Variants in DAB1 observed in about 807,000 individuals in gnomAD.
DAB1 encodes the protein DAB adaptor protein 1.
DAB1 carries 15 observed loss-of-function variants against 64.6 expected under a neutral mutation model. That is an observed-to-expected ratio of 0.23 (90% CI 0.16 to 0.36). DAB1 has a LOEUF of 0.36. Among genes scored for constraint, DAB1 ranks in the 10% least tolerant of loss-of-function variants. DAB1 has a pLI of 1.00. For missense variants in DAB1, 596 were observed against 706.7 expected, an observed-to-expected ratio of 0.84 and a Z score of 1.78; for synonymous variants, 235 against 251.9, an observed-to-expected ratio of 0.93 and a Z score of 0.64.
At chr1:57,480,165 A>G (rs897770531) in intron 7 of DAB1, among the ~76,000 whole-genome samples, 1 of 151,714 alleles carries the variant, frequency 6.6e-6, no homozygotes, top group Non-Finnish European at 1.5e-5. Flanking sequence ...AAAAAAAAAA[A>G]AAGACAAAGC....
intron 1 of DAB1, among the ~76,000 whole-genome samples, chr1:57,339,878 A>C (rs10159302): frequency 0.11 from 17,129 of 152,226 alleles, 1,178 homozygotes; most frequent in African/African-American, 0.18. Context: ...TCAGCAATAG[A>C]TATGTTACTC....
At chr1:57,123,996 A>G (rs1656902861) in intron 4 of DAB1, among the ~76,000 whole-genome samples, 2 of 152,152 alleles carry the variant, frequency 1.3e-5, no homozygotes, top group Non-Finnish European at 2.9e-5. Context: ...ATAAACTGAA[A>G]AAAGCATAAG....
chr1:57,977,140 AT>A (rs1423317392), intron 5 of DAB1, among the ~76,000 whole-genome samples: 1 of 151,978 alleles, frequency 6.6e-6, no homozygotes, highest in Non-Finnish European at 1.5e-5. Context: ...TTCTCCTTCC[AT>A]TTCCACTCTA....
rs1317082305 is a variant in DAB1 at position 57,949,546 on chromosome 1, AT to A, written n.388-65385del. On this transcript the variant is annotated intron_variant and non_coding_transcript_variant, in intron 5 of 20. Coordinates refer to the DAB1 transcript ENST00000485760. ...CTGTCTGTCTGTCTATCTATCATCTATCTACACACACACACACACAATATAT... is the reference window on the plus strand; with the variant it reads ...CTGTCTGTCTGTCTATCTATCATCTACTACACACACACACACACAATATAT... 4.5e-4 allele frequency among the ~76,000 whole-genome samples: 50 copies of A among 112,260 alleles called. 1 individual carries two copies. The highest frequency in any genetic ancestry group is 3.3e-3 in the Admixed American group (44 of 13,194). 73.6% of individuals were successfully genotyped at this position (112,260 alleles called of 152,430 possible).
intron 4 of DAB1, among the ~76,000 whole-genome samples, chr1:58,342,938 A>G (rs1643956267): frequency 6.6e-6 from 1 of 152,096 alleles, no homozygotes; most frequent in Admixed American, 6.6e-5. Context: ...TCCCTCTAAG[A>G]TTAAAATCTG....
At chr1:57,105,794 C>T (rs1161500871) in intron 4 of DAB1, among the ~76,000 whole-genome samples, 2 of 152,144 alleles carry the variant, frequency 1.3e-5, no homozygotes, top group African/African-American at 4.8e-5. Context: ...ATTTCCTTTT[C>T]CTTTTTTATT....
At chr1:57,100,346 G>A (rs1018640846) in intron 4 of DAB1, among the ~76,000 whole-genome samples, 10 of 150,044 alleles carry the variant, frequency 6.7e-5, no homozygotes, top group African/African-American at 2.5e-4. Context: ...AGATTAGACT[G>A]TACTACCTAA....
intron 2 of DAB1, among the ~76,000 whole-genome samples, chr1:57,268,140 A>G (rs1168767740): frequency 6.6e-6 from 1 of 152,204 alleles, no homozygotes; most frequent in Non-Finnish European, 1.5e-5. Context: ...CAAAGCAAGG[A>G]GCATCTGGCC....
intron 4 of DAB1, among the ~76,000 whole-genome samples, chr1:58,284,801 C>T (rs1442798333): frequency 6.6e-6 from 1 of 152,146 alleles, no homozygotes; most frequent in Admixed American, 6.5e-5. Context: ...AGGAAACAGC[C>T]CTCCAGTTGA....
chr1:57,918,823 CA>C (rs913931983), intron 5 of DAB1, among the ~76,000 whole-genome samples: 42 of 142,046 alleles, frequency 3.0e-4, no homozygotes, highest in Admixed American at 4.9e-4. Flanking sequence ...GACTCCGTCT[CA>C]AAAAAAAAAA....
At chr1:57,999,230 A>C (rs960213867) in intron 5 of DAB1, among the ~76,000 whole-genome samples, 8 of 152,162 alleles carry the variant, frequency 5.3e-5, no homozygotes, top group African/African-American at 1.9e-4. Context: ...AACAAGCCAG[A>C]GAAGGGAGTC....
At chr1:57,479,727 T>C (rs1196290494) in intron 7 of DAB1, among the ~76,000 whole-genome samples, 1 of 152,112 alleles carries the variant, frequency 6.6e-6, no homozygotes, top group Middle Eastern at 3.2e-3. Flanking sequence ...GCTGGCACAA[T>C]GGAAGCTCCT....
At chr1:57,836,877 G>A (rs1022626308) in intron 1 of DAB1, among the ~76,000 whole-genome samples, 8 of 152,050 alleles carry the variant, frequency 5.3e-5, no homozygotes, top group Admixed American at 2.0e-4. Context: ...TCAACAAACC[G>A]AGCACTTCAT....
chr1:57,682,477 C>T (rs1646647168), intron 6 of DAB1, among the ~76,000 whole-genome samples: 1 of 150,856 alleles, frequency 6.6e-6, no homozygotes, highest in African/African-American at 2.4e-5. Context: ...GGAGACAAAA[C>T]ATGGAGAGTG....
chr1:57,245,871 A>G (rs189713333), intron 2 of DAB1, among the ~76,000 whole-genome samples: 3 of 152,344 alleles, frequency 2.0e-5, no homozygotes, highest in Admixed American at 1.3e-4. Context: ...GTCTTCCACA[A>G]TGGTTGAACT....
chr1:57,801,731 C>T (rs1421486387), intron 6 of DAB1, among the ~76,000 whole-genome samples: 1 of 151,974 alleles, frequency 6.6e-6, no homozygotes, highest in Non-Finnish European at 1.5e-5. Flanking sequence ...AATCACAGCT[C>T]ACTGCAGCCT....
chr1:57,193,381 G>GTTTGTTTTTT (rs1225499824), intron 2 of DAB1, among the ~76,000 whole-genome samples: 1 of 83,060 alleles, frequency 1.2e-5, no homozygotes, highest in African/African-American at 5.0e-5. Flanking sequence ...CGTAGCATAT[G>GTTTGTTTTTT]TTTTTTTTTT....
chr1:57,240,742 A>G (rs1436129637), intron 2 of DAB1, among the ~76,000 whole-genome samples: 5 of 152,212 alleles, frequency 3.3e-5, no homozygotes. Flanking sequence ...TGAAGGATGA[A>G]TATGATGCTA....
At chr1:57,586,263 CCT>C (rs1645378994) in intron 7 of DAB1, among the ~76,000 whole-genome samples, 1 of 152,102 alleles carries the variant, frequency 6.6e-6, no homozygotes, top group Non-Finnish European at 1.5e-5. Context: ...CTAACTACCT[CCT>C]CTTCTTCCCT....
Sources: allele counts gnomAD v4.1 joint callset (sites outside exome capture counted in the v4.1 genomes callset), GRCh38; gene constraint gnomAD v4.1.1; transcripts MANE v1.5; gene names NCBI Gene and HGNC (gene_info 2026-07-23, HGNC 2026-07-21).